Variants in SKA1 observed in about 807,000 individuals in gnomAD.
SKA1 encodes the protein spindle and kinetochore associated complex subunit 1.
Under a neutral mutation model 31.8 loss-of-function variants are expected in SKA1, and 20 were observed. That is an observed-to-expected ratio of 0.63 (90% CI 0.44 to 0.91). The LOEUF is 0.91. Among genes scored for constraint, SKA1 ranks in the 40% least tolerant of loss-of-function variants. The pLI is 0.00. For missense variants in SKA1, 253 were observed against 298.2 expected, an observed-to-expected ratio of 0.85 and a Z score of 1.12; for synonymous variants, 88 against 100.5, an observed-to-expected ratio of 0.88 and a Z score of 0.74.
chr18:50,384,870 T>TTAAAAAAAAAAAAAAAAAAAAAAAAA (rs1491587048), intron 4 of SKA1, among the ~76,000 whole-genome samples: 4 of 61,280 alleles, frequency 6.5e-5, no homozygotes, highest in Non-Finnish European at 8.6e-5. Flanking sequence ...AAAAAAAAAA[T>TTAAAAAAAAAAAAAAAAAAAAAAAAA]TAAAAAAAAA....
Position 50,382,168 on chromosome 18 carries a change from G to A in SKA1, c.253G>A (p.Glu85Lys), listed in dbSNP as rs775100891. 3.9e-6 allele frequency: 6 copies of A among 1,545,704 alleles called. No homozygotes were observed. In the African/African-American group the frequency reaches 8.6e-5, roughly 22 times the overall value. Residue 85 changes from glutamate (E) to lysine (K), a missense_variant, in exon 4 of 7, where the codon GAA becomes AAA. Glu to Lys is a moderately conservative substitution (Grantham distance 56). Transcript: ENST00000285116. ...TCTTGAAGAAGATTACAAAGACATA[G>A]AACATCTTAAAGAAAACGTTCCTTC... Reference protein sequence around the residue: ...ESLEEDYKDIEHLKENVPSHL... With the variant: ...ESLEEDYKDIKHLKENVPSHL...
At position 50,386,681 on chromosome 18, in the gene SKA1, C is replaced by G. The variant is rs115788950; in HGVS notation, c.449+1328C>G. Reference sequence around the variant, plus strand: ...ATTACGGTATCATACAGAAGAATTTCACTATCCTAAAAAGTTTCACTGTCC... The same window carrying G: ...ATTACGGTATCATACAGAAGAATTTGACTATCCTAAAAAGTTTCACTGTCC... On this transcript the variant is annotated intron_variant, in intron 5 of 6. Coordinates refer to ENST00000285116, the MANE Select transcript of SKA1 (RefSeq NM_145060.4). Among the ~76,000 whole-genome samples, 877 of 152,288 alleles carry G rather than the reference C, an allele frequency of 5.8e-3. 14 individuals carry two copies. Among genetic ancestry groups the G allele is most frequent in the African/African-American group, 0.016 (666 of 41,566 alleles).
chr18:50,383,271 A>G (rs1289074360), intron 4 of SKA1, among the ~76,000 whole-genome samples: 1 of 152,176 alleles, frequency 6.6e-6, no homozygotes, highest in Non-Finnish European at 1.5e-5. Flanking sequence ...TTCATTTTGC[A>G]TACCACCTTT....
chr18:50,388,701 G>A (rs2041331005), intron 5 of SKA1, among the ~76,000 whole-genome samples: 1 of 152,146 alleles, frequency 6.6e-6, no homozygotes, highest in Admixed American at 6.5e-5. Context: ...TTTTCCTTGA[G>A]GGCAGGTCTT....
intron 4 of SKA1, among the ~76,000 whole-genome samples, chr18:50,384,527 G>A (rs970790560): frequency 4.6e-5 from 7 of 151,996 alleles, no homozygotes; most frequent in African/African-American, 1.2e-4. Flanking sequence ...AAATGACTCC[G>A]CAATACACAG....
At chr18:50,384,988 C>T (rs60163813) in intron 4 of SKA1, among the ~76,000 whole-genome samples, 7,539 of 149,942 alleles carry the variant, frequency 0.05, 661 homozygotes, top group African/African-American at 0.18. Flanking sequence ...TCATGTTACA[C>T]GTAAATAAAT....
Position 50,392,140 on chromosome 18 carries a change from A to C in SKA1, c.661A>C (p.Thr221Pro). The C allele has an allele frequency of 1.9e-6, 3 of 1,607,228 alleles. No individual in the cohort carries two copies. Among genetic ancestry groups the C allele is most frequent in the Non-Finnish European group, 2.5e-6 (3 of 1,178,604 alleles). ...IVEADIKEFT[T>P]LKADKKFHVL... ...GGAAGCTGACATAAAGGAGTTCACAACTTTGAAAGCTGACAAGAAGTTTCA... is the reference window on the plus strand; with the variant it reads ...GGAAGCTGACATAAAGGAGTTCACACCTTTGAAAGCTGACAAGAAGTTTCA... The change falls in exon 7 of 7, where the codon ACT (threonine) becomes CCT (proline). Residue 221 changes from threonine to proline, a missense_variant. By Grantham distance (38) the Thr-to-Pro change is conservative. Transcript: ENST00000285116.
intron 4 of SKA1, 145 bp from the exon 5 acceptor site, chr18:50,385,071 T>C (rs886404330): frequency 4.9e-6 from 3 of 607,122 alleles, no homozygotes; most frequent in Non-Finnish European, 8.1e-6. Context: ...TCATGAACAA[T>C]AGACATAGGG....
rs532059233 is a variant in SKA1, at chr18:50,377,284, T to C, written c.88+1366T>C. ...CCGATGTCACAAGGCAATAGGAATGTTTCAGCTCCGTTATAATCTTATGGG... is the reference window on the plus strand; with the variant it reads ...CCGATGTCACAAGGCAATAGGAATGCTTCAGCTCCGTTATAATCTTATGGG... On this transcript the variant is annotated intron_variant, in intron 2 of 6. Transcript: ENST00000285116. Among the ~76,000 whole-genome samples the C allele has an allele frequency of 2.0e-5, 3 of 152,286 alleles. No homozygotes were observed. In the East Asian group the frequency reaches 5.8e-4, roughly 29 times the overall value.
chr18:50,380,857 C>G (rs1372762656), intron 3 of SKA1, among the ~76,000 whole-genome samples: 2 of 152,128 alleles, frequency 1.3e-5, no homozygotes, highest in African/African-American at 4.8e-5. Context: ...TAATCTGTAC[C>G]ATAATTACCT....
At position 50,385,339 on chromosome 18, in the gene SKA1, CAATGGTG is replaced by C. The variant is rs1295548918; in HGVS notation, c.436_442del (p.Asn146PhefsTer5). 1 of 1,608,408 alleles carries C rather than the reference CAATGGTG, an allele frequency of 6.2e-7. No individual in the cohort carries two copies. The highest frequency in any genetic ancestry group is 1.3e-5 in the African/African-American group (1 of 74,674). On this transcript the variant is annotated frameshift_variant, in exon 5 of 7. Coordinates refer to ENST00000285116, the MANE Select transcript of SKA1 (RefSeq NM_145060.4). LOFTEE classifies it high-confidence loss of function. ...TGCCATTTATAACTTGTGATGAGTT[CAATGGTG>C]TTCCTTCGTAAGTATTTAAGATAAA...
intron 1 of SKA1, 82 bp from the exon 2 acceptor site, chr18:50,375,738 T>C (rs551392073): frequency 2.5e-5 from 20 of 808,890 alleles, no homozygotes; most frequent in East Asian, 1.0e-4. Context: ...TTACTTGACA[T>C]TGACCATTCT....
intron 5 of SKA1, among the ~76,000 whole-genome samples, chr18:50,389,405 T>TTTTTTTTTTTG (rs1568331123): frequency 6.8e-6 from 1 of 147,822 alleles, no homozygotes; most frequent in African/African-American, 2.5e-5. Context: ...TTTTTTACTT[T>TTTTTTTTTTTG]TTTTGTTTTT....
chr18:50,383,612 T>G, intron 4 of SKA1, among the ~76,000 whole-genome samples: 1 of 152,236 alleles, frequency 6.6e-6, no homozygotes. Flanking sequence ...GTCTTGCTCT[T>G]TCTCAGCCAT....
At chr18:50,384,891 G>GA (rs2041294055) in intron 4 of SKA1, among the ~76,000 whole-genome samples, 2 of 107,476 alleles carry the variant, frequency 1.9e-5, no homozygotes, top group Non-Finnish European at 2.0e-5. Context: ...AAAAAAAAAA[G>GA]GAAAAAAAAA....
At chr18:50,379,972 A>G (rs928680397) in intron 2 of SKA1, among the ~76,000 whole-genome samples, 154 bp from the exon 3 acceptor site, 1 of 152,128 alleles carries the variant, frequency 6.6e-6, no homozygotes, top group African/African-American at 2.4e-5. Context: ...AGGTTTCAGG[A>G]TTGTCCATGG....
chr18:50,385,408 T>A, intron 5 of SKA1, 55 bp downstream of exon 5: 1 of 1,393,754 alleles, frequency 7.2e-7, no homozygotes, highest in Non-Finnish European at 9.8e-7. Flanking sequence ...AATGATCGTT[T>A]AAATAATAAA....
intron 2 of SKA1, among the ~76,000 whole-genome samples, chr18:50,377,555 C>G (rs923287426): frequency 6.6e-6 from 1 of 152,230 alleles, no homozygotes; most frequent in South Asian, 2.1e-4. Context: ...AATATTTTGA[C>G]GTGCTGAAAT....
chr18:50,384,114 G>C (rs762661186), intron 4 of SKA1, among the ~76,000 whole-genome samples: 1 of 152,032 alleles, frequency 6.6e-6, no homozygotes, highest in Non-Finnish European at 1.5e-5. Context: ...TACATTTCTT[G>C]TTACCTTTTT....
Sources: gnomAD v4.1 joint callset for allele counts (sites outside exome capture counted in the v4.1 genomes callset) on GRCh38, gnomAD v4.1.1 for gene constraint, MANE v1.5 for transcripts, NCBI Gene and HGNC (gene_info 2026-07-23, HGNC 2026-07-21) for gene names.